Variants in DOK6 observed in about 807,000 individuals in gnomAD.
DOK6 encodes docking protein 6.
In DOK6, 22 loss-of-function variants were observed where a neutral mutation model predicts 44.0. That is an observed-to-expected ratio of 0.50 (90% CI 0.36 to 0.71). DOK6 has a LOEUF of 0.71. DOK6 is among the 30% of genes least tolerant of loss of function. The probability of loss-of-function intolerance (pLI) is 0.00; values close to 1 mark genes in which losing one functional copy is unlikely to be tolerated. For synonymous variants in DOK6, 166 were observed against 145.5 expected (o/e 1.14, Z -1.01); for missense variants, 340 against 416.4 (o/e 0.82, Z 1.60).
rs369587664 is a variant in DOK6, at chr18:69,454,938, T to C, written c.66+53628T>C. Among the ~76,000 whole-genome samples the C allele has an allele frequency of 9.3e-4, 120 of 129,286 alleles. 2 individuals carry two copies. The highest frequency in any genetic ancestry group is 9.2e-3 in the South Asian group (32 of 3,466). 84.8% of individuals were successfully genotyped at this position (129,286 alleles called of 152,430 possible). ...GTGGGGGGAGGGGGGAGGGATAGCA[T>C]TGGGAGATATACCTAAGGCTAGATG... is the stretch of plus-strand genomic sequence containing the variant. On this transcript the variant is annotated intron_variant, in intron 1 of 7. Coordinates refer to ENST00000382713, the MANE Select transcript of DOK6 (RefSeq NM_152721.6).
At chr18:69,427,566 A>G (rs899037153) in intron 1 of DOK6, among the ~76,000 whole-genome samples, 1 of 152,210 alleles carries the variant, frequency 6.6e-6, no homozygotes, top group African/African-American at 2.4e-5. Context: ...AAAGACCTAA[A>G]GACAGAAATA....
chr18:69,441,244 A>G (rs1232139553), intron 1 of DOK6, among the ~76,000 whole-genome samples: 2 of 152,172 alleles, frequency 1.3e-5, no homozygotes, highest in Non-Finnish European at 2.9e-5. Context: ...CGTCAAAAAT[A>G]GTATAAAAGT....
chr18:69,747,187 T>C (rs1979013210), intron 6 of DOK6, among the ~76,000 whole-genome samples: 2 of 152,226 alleles, frequency 1.3e-5, no homozygotes, highest in South Asian at 4.1e-4. Context: ...TAAATGTCAA[T>C]TTATAAATGC....
intron 4 of DOK6, among the ~76,000 whole-genome samples, chr18:69,681,338 C>G (rs932843694): frequency 1.3e-5 from 2 of 152,208 alleles, no homozygotes; most frequent in African/African-American, 2.4e-5. Context: ...CCTCTTCAGA[C>G]AGCCTGAGAC....
intron 1 of DOK6, among the ~76,000 whole-genome samples, chr18:69,505,830 C>CAAACA (rs1302900790): frequency 4.0e-5 from 6 of 150,790 alleles, no homozygotes; most frequent in South Asian, 2.1e-4. Context: ...AGCATGCAAG[C>CAAACA]AAACAAAACA....
Position 69,566,363 on chromosome 18 carries a change from T to C in DOK6, c.174+1769T>C, listed in dbSNP as rs559931002. ...GTGTTAGCCAGGATGGTCTCGATCT[T>C]CTGACCTTGTGATCCGCCCGCCTCG... On this transcript the variant is annotated intron_variant, in intron 2 of 7. Coordinates refer to ENST00000382713, the MANE Select transcript of DOK6 (RefSeq NM_152721.6). 2.4e-3 allele frequency among the ~76,000 whole-genome samples: 364 copies of C among 151,720 alleles called. 2 individuals carry two copies. The highest frequency in any genetic ancestry group is 8.1e-3 in the African/African-American group (336 of 41,398).
intron 7 of DOK6, among the ~76,000 whole-genome samples, chr18:69,805,755 A>G (rs1436392708): frequency 1.3e-5 from 2 of 152,162 alleles, no homozygotes; most frequent in African/African-American, 4.8e-5. Flanking sequence ...GTCAATTAAC[A>G]AGCAATACAC....
chr18:69,455,065 AAAAAG>A (rs141466493), intron 1 of DOK6, among the ~76,000 whole-genome samples: 4 of 149,258 alleles, frequency 2.7e-5, no homozygotes, highest in East Asian at 2.0e-4. Flanking sequence ...ATAATAAAAA[AAAAAG>A]AAAAGAAAAG....
intron 7 of DOK6, among the ~76,000 whole-genome samples, chr18:69,835,237 T>C (rs762625172): frequency 1.1e-4 from 16 of 151,878 alleles, no homozygotes; most frequent in Admixed American, 5.9e-4. Context: ...CCGAGGTGGG[T>C]GGATCACGAG....
chr18:69,800,551 G>C (rs1476183729), intron 7 of DOK6, among the ~76,000 whole-genome samples: 1 of 152,086 alleles, frequency 6.6e-6, no homozygotes, highest in Non-Finnish European at 1.5e-5. Context: ...GGTTATTTGG[G>C]GGGAAAAGGG....
chr18:69,496,752 A>G (rs1316919227), intron 1 of DOK6, among the ~76,000 whole-genome samples: 1 of 152,304 alleles, frequency 6.6e-6, no homozygotes, highest in African/African-American at 2.4e-5. Context: ...AGCACATATC[A>G]TATCACATTG....
chr18:69,751,566 C>T (rs1050374370), intron 6 of DOK6, among the ~76,000 whole-genome samples: 1 of 152,070 alleles, frequency 6.6e-6, no homozygotes, highest in Non-Finnish European at 1.5e-5. Context: ...TAGAGAGATT[C>T]TACATCAGTG....
In DOK6 at chr18:69,848,594, T is replaced by C. The variant is rs1343791065; in HGVS notation, c.*7211T>C. On this transcript the variant is annotated 3_prime_UTR_variant, in exon 8 of 8. Coordinates refer to ENST00000382713, the MANE Select transcript of DOK6 (RefSeq NM_152721.6). ...CAATAATAAAATTAGGAAATTAAAT[T>C]ATTTTTAAATCTGTCTGTGTGATTT... 1 of 152,230 alleles carries C rather than the reference T, an allele frequency of 6.6e-6. No individual in the cohort carries two copies. The highest frequency in any genetic ancestry group is 1.9e-4 in the East Asian group (1 of 5,200). 9.4% of individuals were successfully genotyped at this position (152,230 alleles called of 1,614,324 possible). A position where few individuals can be genotyped will look rare whatever the true frequency, so the allele number is the denominator to read the frequency against.
At chr18:69,768,974 T>TGC (rs1284017290) in intron 7 of DOK6, among the ~76,000 whole-genome samples, 2 of 151,648 alleles carry the variant, frequency 1.3e-5, no homozygotes, top group Non-Finnish European at 2.9e-5. Flanking sequence ...TGTGTGTGTG[T>TGC]GTGTGTGTTG....
At chr18:69,531,267 TATATA>T (rs1257278057) in intron 1 of DOK6, among the ~76,000 whole-genome samples, 2 of 147,196 alleles carry the variant, frequency 1.4e-5, no homozygotes, top group Non-Finnish European at 3.0e-5. Flanking sequence ...TACATATATA[TATATA>T]ATATATTATA....
At chr18:69,503,689 C>T (rs1377009627) in intron 1 of DOK6, among the ~76,000 whole-genome samples, 2 of 151,750 alleles carry the variant, frequency 1.3e-5, no homozygotes, top group Non-Finnish European at 2.9e-5. Context: ...CTAATATATC[C>T]TCATCCTGAT....
chr18:69,783,792 T>A (rs1913988120), intron 7 of DOK6, among the ~76,000 whole-genome samples: 1 of 152,218 alleles, frequency 6.6e-6, no homozygotes, highest in African/African-American at 2.4e-5. Context: ...ATTCTTATAA[T>A]TTTCAATGAA....
intron 7 of DOK6, among the ~76,000 whole-genome samples, chr18:69,796,095 G>C (rs1980737089): frequency 6.6e-6 from 1 of 152,180 alleles, no homozygotes; most frequent in Non-Finnish European, 1.5e-5. Flanking sequence ...GCTGTGGCCA[G>C]AGTCCCAATT....
chr18:69,612,970 C>T (rs1599222101), intron 3 of DOK6, among the ~76,000 whole-genome samples: 3 of 151,968 alleles, frequency 2.0e-5, no homozygotes, highest in African/African-American at 7.2e-5. Context: ...CAGCCTCCAC[C>T]TCCCTGGCTC....
Sources: gnomAD v4.1 joint callset for allele counts (sites outside exome capture counted in the v4.1 genomes callset) on GRCh38, gnomAD v4.1.1 for gene constraint, MANE v1.5 for transcripts, NCBI Gene and HGNC (gene_info 2026-07-23, HGNC 2026-07-21) for gene names.